CEP112: variants seen among roughly 807,000 people sequenced by gnomAD.
The protein encoded by CEP112 is centrosomal protein of 112 kDa.
Under a neutral mutation model 153.0 loss-of-function variants are expected in CEP112, and 127 were observed. The ratio of observed to expected loss-of-function variants is 0.83; its 90% CI spans 0.72 to 0.96. The LOEUF (loss-of-function observed/expected upper bound fraction) is 0.96, where lower values mean the gene tolerates loss of function less well. Among genes scored for constraint, CEP112 ranks in the 40% least tolerant of loss-of-function variants. The pLI, the probability that CEP112 is intolerant of heterozygous loss-of-function variation, is 0.00. For synonymous variants in CEP112, 358 were observed against 374.4 expected (o/e 0.96, Z 0.51); for missense variants, 1,089 against 1,101.2 (o/e 0.99, Z 0.16).
intron 4 of CEP112, among the ~76,000 whole-genome samples, chr17:66,150,316 G>A (rs1307237199): frequency 6.6e-6 from 1 of 150,872 alleles, no homozygotes; most frequent in African/African-American, 2.4e-5. Context: ...TTGTGACTCA[G>A]CCTCCCAAGG....
At position 66,183,203 on chromosome 17, in the gene CEP112, G is replaced by A. The variant is rs2072788963; in HGVS notation, c.97C>T (p.His33Tyr). The change falls in exon 2 of 27, where the codon CAT becomes TAT. Residue 33 changes from histidine to tyrosine, a missense_variant. His to Tyr is a moderately conservative substitution (Grantham distance 83). Transcript: ENST00000535342. ...DMKPFVLKLP[H>Y]RTERQRCALW... Reference sequence around the variant, plus strand: ...TCAAACATAATCTTACCTGTCCTATGAGGTAATTTTAGAACAAAGGGCTTC... The same window carrying A: ...TCAAACATAATCTTACCTGTCCTATAAGGTAATTTTAGAACAAAGGGCTTC... 6.3e-7 allele frequency: 1 copy of A among 1,593,440 alleles called. No homozygotes were observed.
chr17:65,840,609 G>C (rs1172241603), intron 21 of CEP112, among the ~76,000 whole-genome samples: 2 of 151,786 alleles, frequency 1.3e-5, no homozygotes, highest in Non-Finnish European at 2.9e-5. Context: ...AAAAGCACAA[G>C]CAACCAAAGC....
intron 4 of CEP112, among the ~76,000 whole-genome samples, chr17:66,159,758 A>C (rs563398258): frequency 4.6e-5 from 7 of 152,320 alleles, no homozygotes; most frequent in Non-Finnish European, 8.8e-5. Flanking sequence ...CTGAAAGGGC[A>C]AAAGCTGCAA....
chr17:65,802,272 A>T (rs1205740490), intron 21 of CEP112, among the ~76,000 whole-genome samples: 1 of 152,146 alleles, frequency 6.6e-6, no homozygotes, highest in Non-Finnish European at 1.5e-5. Flanking sequence ...ACATCCTCTC[A>T]GTACACTTGT....
intron 4 of CEP112, among the ~76,000 whole-genome samples, chr17:66,147,387 G>A (rs189914580): frequency 1.3e-5 from 2 of 151,900 alleles, no homozygotes; most frequent in East Asian, 3.9e-4. Context: ...ACATATTCGG[G>A]ATATTAACCC....
chr17:66,043,051 G>T, intron 12 of CEP112: 1 of 965,950 alleles, frequency 1.0e-6, no homozygotes, highest in Non-Finnish European at 1.2e-6. Context: ...TATTTCAGAT[G>T]TCTAAGGCTT....
chr17:66,104,649 T>C (rs575245296), intron 6 of CEP112, among the ~76,000 whole-genome samples: 4 of 152,042 alleles, frequency 2.6e-5, no homozygotes, highest in South Asian at 2.1e-4. Flanking sequence ...AATTTGGCCA[T>C]AGTAGGGAAG....
At chr17:65,981,156 T>C (rs1395741111) in intron 17 of CEP112, among the ~76,000 whole-genome samples, 2 of 152,090 alleles carry the variant, frequency 1.3e-5, no homozygotes, top group Non-Finnish European at 2.9e-5. Flanking sequence ...GCACTCTCCA[T>C]CTCTACATAT....
At chr17:65,969,070 TTGTG>T (rs1240885182) in intron 17 of CEP112, among the ~76,000 whole-genome samples, 1 of 129,416 alleles carries the variant, frequency 7.7e-6, no homozygotes, top group Non-Finnish European at 1.6e-5. Flanking sequence ...TTTTGTTTTT[TTGTG>T]TGTGTGGATT....
At chr17:65,979,617 C>T (rs971969542) in intron 17 of CEP112, among the ~76,000 whole-genome samples, 1 of 152,042 alleles carries the variant, frequency 6.6e-6, no homozygotes, top group Admixed American at 6.6e-5. Flanking sequence ...AACTGAATAC[C>T]TTAAATGTGC....
intron 18 of CEP112, among the ~76,000 whole-genome samples, chr17:65,958,334 CTGCATGCATATTACA>C: frequency 6.6e-6 from 1 of 152,120 alleles, no homozygotes. Context: ...CTTTTTTTTA[CTGCATGCATATTACA>C]TACATGTATA....
At chr17:65,953,451 C>T (rs753591850) in intron 18 of CEP112, among the ~76,000 whole-genome samples, 1 of 152,216 alleles carries the variant, frequency 6.6e-6, no homozygotes, top group African/African-American at 2.4e-5. Context: ...AGAGAATCCA[C>T]AGACCCTTTG....
intron 16 of CEP112, among the ~76,000 whole-genome samples, chr17:66,018,584 T>A (rs927895033): frequency 6.6e-6 from 1 of 152,330 alleles, no homozygotes. Context: ...ATTTCATGGT[T>A]TAAAACATCA....
At chr17:65,826,753 T>C (rs993655291) in intron 21 of CEP112, among the ~76,000 whole-genome samples, 1 of 152,220 alleles carries the variant, frequency 6.6e-6, no homozygotes, top group African/African-American at 2.4e-5. Flanking sequence ...AAAATTCACA[T>C]ATCCCATCTC....
At chr17:65,966,014 A>G (rs554261775) in intron 17 of CEP112, among the ~76,000 whole-genome samples, 1 of 143,562 alleles carries the variant, frequency 7.0e-6, no homozygotes, top group South Asian at 2.6e-4. Flanking sequence ...ATCCTGAAAG[A>G]AGGAGGAAAA....
intron 20 of CEP112, among the ~76,000 whole-genome samples, chr17:65,856,846 G>C (rs1037940433): frequency 6.6e-6 from 1 of 152,140 alleles, no homozygotes; most frequent in Non-Finnish European, 1.5e-5. Context: ...TCACTGTGTA[G>C]ATACTGTTCT....
At chr17:66,189,580 C>T (rs1355164474) in intron 1 of CEP112, among the ~76,000 whole-genome samples, 1 of 147,984 alleles carries the variant, frequency 6.8e-6, no homozygotes, top group Non-Finnish European at 1.5e-5. Context: ...TTGAAGTATA[C>T]ATTTAAAAAA....
chr17:66,174,428 G>C (rs1239674474), intron 4 of CEP112, among the ~76,000 whole-genome samples: 1 of 152,158 alleles, frequency 6.6e-6, no homozygotes, highest in Non-Finnish European at 1.5e-5. Flanking sequence ...GAATGGTGAG[G>C]AAGGAATTAT....
intron 12 of CEP112, among the ~76,000 whole-genome samples, chr17:66,035,770 C>T (rs990118763): frequency 4.6e-5 from 7 of 152,186 alleles, no homozygotes; most frequent in African/African-American, 1.7e-4. Flanking sequence ...CATCTGGAGA[C>T]TCACATTGTG....
Sources: gnomAD v4.1 joint callset for allele counts (sites outside exome capture counted in the v4.1 genomes callset) on GRCh38, gnomAD v4.1.1 for gene constraint, MANE v1.5 for transcripts, NCBI Gene and HGNC (gene_info 2026-07-23, HGNC 2026-07-21) for gene names.